The following CFAP299 variants were observed in gnomAD, a reference collection of about 807,000 sequenced individuals.
CFAP299 encodes cilia and flagella associated protein 299, also known as cilia- and flagella-associated protein 299.
A neutral mutation model predicts 27.0 loss-of-function variants in CFAP299; 21 were observed. That is an observed-to-expected ratio of 0.78 (90% CI 0.55 to 1.12). CFAP299 has a LOEUF of 1.12. CFAP299 is among the 50% of genes most tolerant of loss of function. The pLI, the probability that CFAP299 is intolerant of heterozygous loss-of-function variation, is 0.00. For synonymous variants in CFAP299, 104 were observed against 98.1 expected (o/e 1.06, Z -0.36); for missense variants, 310 against 276.6 (o/e 1.12, Z -0.86).
chr4:80,941,618 G>A (rs1039901185), intron 4 of CFAP299, among the ~76,000 whole-genome samples: 35 of 152,018 alleles, frequency 2.3e-4, no homozygotes, highest in African/African-American at 8.4e-4. Context: ...GTCTGTTCTC[G>A]CACTACTATA....
At chr4:80,390,724 C>CATGTATATATGTATATATACACACAT (rs1725355924) in intron 2 of CFAP299, among the ~76,000 whole-genome samples, 2 of 119,282 alleles carry the variant, frequency 1.7e-5, no homozygotes, top group South Asian at 2.8e-4. Flanking sequence ...TACACACATA[C>CATGTATATATGTATATATACACACAT]ATGTATATAT....
intron 2 of CFAP299, among the ~76,000 whole-genome samples, chr4:80,510,075 G>T (rs1024034553): frequency 2.0e-5 from 3 of 151,996 alleles, no homozygotes; most frequent in African/African-American, 7.3e-5. Context: ...ATTTGAACAT[G>T]GCACCTGACA....
intron 3 of CFAP299, among the ~76,000 whole-genome samples, chr4:80,743,691 C>G (rs1008072223): frequency 1.3e-5 from 2 of 152,106 alleles, no homozygotes; most frequent in African/African-American, 4.8e-5. Flanking sequence ...AGAAAATGCA[C>G]TTATTAGGAC....
At chr4:80,855,521 G>A (rs569026983) in intron 3 of CFAP299, among the ~76,000 whole-genome samples, 48 of 152,156 alleles carry the variant, frequency 3.2e-4, no homozygotes, top group African/African-American at 1.1e-3. Context: ...TCGTCATCTA[G>A]CATTAGGTAT....
Position 80,551,562 on chromosome 4 carries a change from T to C in CFAP299, c.243-31531T>C, listed in dbSNP as rs547266993. 2.6e-5 allele frequency among the ~76,000 whole-genome samples: 4 copies of C among 152,234 alleles called. No homozygotes were observed. The East Asian group carries it at 7.7e-4, about 29-fold the overall frequency. ...ATTCAAAGTCCAGATATCAACTAAG[T>C]CTACTGTAAATAGTAAGATATATAA... On this transcript the variant is annotated intron_variant, in intron 2 of 5. Transcript: ENST00000358105.
chr4:80,462,975 G>A (rs184646269), intron 2 of CFAP299, among the ~76,000 whole-genome samples: 9 of 152,244 alleles, frequency 5.9e-5, no homozygotes, highest in East Asian at 5.8e-4. Context: ...CAAGACAACA[G>A]AATCAGGACT....
At chr4:80,869,218 G>A (rs1426374950) in intron 3 of CFAP299, among the ~76,000 whole-genome samples, 2 of 152,028 alleles carry the variant, frequency 1.3e-5, no homozygotes, top group Non-Finnish European at 2.9e-5. Flanking sequence ...AGTTATGTGG[G>A]CAAAATGAAA....
chr4:80,526,706 G>T (rs1733196558), intron 2 of CFAP299, among the ~76,000 whole-genome samples: 1 of 151,960 alleles, frequency 6.6e-6, no homozygotes, highest in African/African-American at 2.4e-5. Flanking sequence ...CATATACTTT[G>T]ATTCTAATTA....
intron 3 of CFAP299, among the ~76,000 whole-genome samples, chr4:80,818,885 G>A (rs1209581906): frequency 1.3e-5 from 2 of 152,080 alleles, no homozygotes; most frequent in Non-Finnish European, 2.9e-5. Context: ...ACTTACTGAA[G>A]CACATTGAAG....
At chr4:80,574,338 C>G (rs964312238) in intron 2 of CFAP299, among the ~76,000 whole-genome samples, 2 of 152,040 alleles carry the variant, frequency 1.3e-5, no homozygotes, top group African/African-American at 4.8e-5. Flanking sequence ...TTTATCAGTT[C>G]TAATAGTTTT....
intron 3 of CFAP299, among the ~76,000 whole-genome samples, chr4:80,856,116 A>C (rs1174985132): frequency 6.6e-6 from 1 of 151,476 alleles, no homozygotes; most frequent in African/African-American, 2.4e-5. Flanking sequence ...GTATGAGATG[A>C]TATCTCATTG....
intron 2 of CFAP299, among the ~76,000 whole-genome samples, chr4:80,522,897 A>G (rs1371854219): frequency 2.0e-5 from 3 of 152,040 alleles, no homozygotes; most frequent in South Asian, 4.2e-4. Flanking sequence ...TTTGATTACT[A>G]TTGCTATGTA....
At chr4:80,944,486 C>T (rs780677831) in intron 4 of CFAP299, among the ~76,000 whole-genome samples, 1 of 152,132 alleles carries the variant, frequency 6.6e-6, no homozygotes, top group Non-Finnish European at 1.5e-5. Context: ...CCCTGAAGAA[C>T]CTGAACTAGA....
At chr4:80,879,888 A>G (rs1053133220) in intron 4 of CFAP299, among the ~76,000 whole-genome samples, 3 of 152,196 alleles carry the variant, frequency 2.0e-5, no homozygotes, top group African/African-American at 7.2e-5. Flanking sequence ...TAAGCATGAA[A>G]AGTCAAGTCA....
At chr4:80,738,711 T>C (rs1724069787) in intron 3 of CFAP299, among the ~76,000 whole-genome samples, 1 of 151,486 alleles carries the variant, frequency 6.6e-6, no homozygotes, top group South Asian at 2.1e-4. Context: ...GCTGGGAGAG[T>C]TTAGTACATT....
At chr4:80,719,234 C>A (rs1224080322) in intron 3 of CFAP299, among the ~76,000 whole-genome samples, 4 of 151,980 alleles carry the variant, frequency 2.6e-5, no homozygotes, top group Admixed American at 1.3e-4. Flanking sequence ...CAAAAAACCC[C>A]CATGACATGA....
chr4:80,945,547 G>A (rs1737430301), intron 5 of CFAP299, among the ~76,000 whole-genome samples: 1 of 151,682 alleles, frequency 6.6e-6, no homozygotes, highest in Non-Finnish European at 1.5e-5. Context: ...CTATGTCTCG[G>A]GATGAAAGTT....
intron 2 of CFAP299, among the ~76,000 whole-genome samples, chr4:80,467,292 G>A (rs749170799): frequency 3.9e-5 from 6 of 152,196 alleles, no homozygotes; most frequent in Admixed American, 6.5e-5. Flanking sequence ...TGGGCCTATT[G>A]ATGGTGATTG....
chr4:80,886,815 G>A (rs75367567), intron 4 of CFAP299, among the ~76,000 whole-genome samples: 5,127 of 152,020 alleles, frequency 0.034, 194 homozygotes, highest in African/African-American at 0.095. Context: ...GAGAAAACTC[G>A]AAGAAATTCA....
Sources: gnomAD v4.1 joint callset for allele counts (sites outside exome capture counted in the v4.1 genomes callset) on GRCh38, gnomAD v4.1.1 for gene constraint, MANE v1.5 for transcripts, NCBI Gene and HGNC (gene_info 2026-07-23, HGNC 2026-07-21) for gene names.